Variants in OPCML observed in about 807,000 individuals in gnomAD.
OPCML encodes the protein opioid-binding protein/cell adhesion molecule.
In OPCML, 13 loss-of-function variants were observed where a neutral mutation model predicts 37.8. The ratio of observed to expected loss-of-function variants is 0.34; its 90% CI spans 0.22 to 0.55. OPCML has a LOEUF of 0.55. Ranked by LOEUF, OPCML falls within the 20% of genes least tolerant of loss-of-function variation. The pLI is 0.91. For synonymous variants in OPCML, 176 were observed against 168.8 expected, an observed-to-expected ratio of 1.04 and a Z score of -0.33; for missense variants, 341 against 435.6, an observed-to-expected ratio of 0.78 and a Z score of 1.93.
intron 2 of OPCML, among the ~76,000 whole-genome samples, chr11:132,769,058 G>A (rs1277748232): frequency 6.6e-6 from 1 of 151,604 alleles, no homozygotes; most frequent in African/African-American, 2.4e-5. Flanking sequence ...AGTGCTCTGT[G>A]AGGTGAGGAG....
intron 1 of OPCML, among the ~76,000 whole-genome samples, chr11:133,057,556 A>G (rs1295481361): frequency 6.6e-6 from 1 of 152,094 alleles, no homozygotes; most frequent in Non-Finnish European, 1.5e-5. Context: ...TGGAGGACAG[A>G]GTTTGAGGTC....
chr11:132,827,179 A>G (rs1338700191), intron 2 of OPCML, among the ~76,000 whole-genome samples: 3 of 152,218 alleles, frequency 2.0e-5, no homozygotes, highest in Admixed American at 6.5e-5. Context: ...GATGAAAGAT[A>G]TATCTCATAA....
chr11:132,608,800 C>T lies in OPCML; in HGVS notation c.379+48287G>A, dbSNP rs1160184047. On this transcript the variant is annotated intron_variant, in intron 3 of 7. Coordinates refer to ENST00000524381, the MANE Select transcript of OPCML (RefSeq NM_001012393.5). ...GATATACAGGTATTCCAAATAAATG[C>T]ACGCAATTACTCCAGGGAGTTCCTT... Among the ~76,000 whole-genome samples the T allele has an allele frequency of 2.0e-5, 3 of 152,164 alleles. No individual in the cohort carries two copies. In the South Asian group the frequency reaches 6.2e-4, roughly 32 times the overall value.
At chr11:132,972,796 C>T (rs1429724481) in intron 1 of OPCML, among the ~76,000 whole-genome samples, 1 of 152,192 alleles carries the variant, frequency 6.6e-6, no homozygotes, top group Non-Finnish European at 1.5e-5. Context: ...CTGTGATCTT[C>T]ATGGGAAACC....
At chr11:133,215,205 A>T (rs579504) in intron 1 of OPCML, among the ~76,000 whole-genome samples, 15,213 of 151,404 alleles carry the variant, frequency 0.1, 801 homozygotes, top group African/African-American at 0.13. Context: ...AGAGAGAGAG[A>T]GTGTGTGTGT....
chr11:133,147,709 C>G (rs186628180), intron 1 of OPCML, among the ~76,000 whole-genome samples: 1 of 152,246 alleles, frequency 6.6e-6, no homozygotes, highest in African/African-American at 2.4e-5. Context: ...CCCTTTAAAT[C>G]AGTCCCTACT....
chr11:133,093,351 G>T (rs1185572484), intron 1 of OPCML, among the ~76,000 whole-genome samples: 1 of 151,522 alleles, frequency 6.6e-6, no homozygotes, highest in South Asian at 2.1e-4. Context: ...GTACAGGTTT[G>T]CTACATAGGT....
intron 2 of OPCML, among the ~76,000 whole-genome samples, chr11:132,741,658 A>T (rs1380811472): frequency 6.6e-6 from 1 of 152,196 alleles, no homozygotes; most frequent in African/African-American, 2.4e-5. Context: ...TAATCACTAA[A>T]GGCATTTGGA....
intron 1 of OPCML, among the ~76,000 whole-genome samples, chr11:133,452,565 C>A (rs931163849): frequency 6.6e-6 from 1 of 151,450 alleles, no homozygotes; most frequent in Non-Finnish European, 1.5e-5. Context: ...GTAGTTCCAG[C>A]ACTTTGGGGG....
intron 2 of OPCML, among the ~76,000 whole-genome samples, chr11:132,812,116 CA>C (rs1040288271): frequency 6.6e-6 from 1 of 152,098 alleles, no homozygotes; most frequent in Non-Finnish European, 1.5e-5. Flanking sequence ...CCTTTTAACC[CA>C]ACCTTAGAGA....
At chr11:132,470,724 G>A (rs145769690) in intron 4 of OPCML, among the ~76,000 whole-genome samples, 17 of 152,252 alleles carry the variant, frequency 1.1e-4, no homozygotes, top group African/African-American at 3.8e-4. Flanking sequence ...TAAGTAAATG[G>A]CCCAAGGTCA....
intron 3 of OPCML, among the ~76,000 whole-genome samples, chr11:132,554,190 C>T (rs185245392): frequency 4.5e-4 from 69 of 152,272 alleles, no homozygotes; most frequent in Non-Finnish European, 2.5e-4. Flanking sequence ...AGGCAAATTC[C>T]GATTTCCTTC....
chr11:132,819,058 G>C (rs965935071), intron 2 of OPCML, among the ~76,000 whole-genome samples: 1 of 147,384 alleles, frequency 6.8e-6, no homozygotes, highest in Non-Finnish European at 1.5e-5. Flanking sequence ...CTATTATTTT[G>C]TGTGCTATGT....
chr11:133,186,356 T>C (rs183920951), intron 1 of OPCML, among the ~76,000 whole-genome samples: 1 of 152,270 alleles, frequency 6.6e-6, no homozygotes, highest in Non-Finnish European at 1.5e-5. Flanking sequence ...CTGAGATGCT[T>C]ATTGATTTAT....
intron 3 of OPCML, among the ~76,000 whole-genome samples, chr11:132,577,603 A>G (rs1330713894): frequency 6.6e-6 from 1 of 152,182 alleles, no homozygotes; most frequent in East Asian, 1.9e-4. Context: ...ATGGTAAACT[A>G]TGAGTCATTT....
chr11:132,900,640 C>G (rs991825238), intron 2 of OPCML, among the ~76,000 whole-genome samples: 1 of 152,178 alleles, frequency 6.6e-6, no homozygotes, highest in African/African-American at 2.4e-5. Flanking sequence ...TGTCTCCGCA[C>G]GCTGTGACCT....
In OPCML at chr11:132,943,702, G is replaced by C. The variant is rs1945663538; in HGVS notation, c.62-692C>G. The C allele has an allele frequency of 6.6e-6, 1 of 151,876 alleles. No individual in the cohort carries two copies. The highest frequency in any genetic ancestry group is 1.5e-5 in the Non-Finnish European group (1 of 68,058). The allele number at this position is 151,876 out of a possible 1,614,324, so 9.4% of individuals were successfully genotyped here. A position where few individuals can be genotyped will look rare whatever the true frequency, so the allele number is the denominator to read the frequency against. On this transcript the variant is annotated intron_variant, in intron 1 of 7. Transcript: ENST00000524381. This position sits in a 1 kb window ranked among gnomAD's most constrained non-coding sequence, Gnocchi z 4.3. ...GCAGCCGGCGCAGCCAGGGTCGTCC[G>C]GTCGGTGGCCGTCCTCTGCAGCCCG... is the stretch of plus-strand genomic sequence containing the variant.
intron 3 of OPCML, among the ~76,000 whole-genome samples, chr11:132,630,371 A>G (rs1565726914): frequency 1.3e-5 from 2 of 152,220 alleles, no homozygotes; most frequent in Admixed American, 1.3e-4. Flanking sequence ...CATCCTGGCC[A>G]ATATGGTGAA....
chr11:133,040,157 T>C (rs963848404), intron 1 of OPCML, among the ~76,000 whole-genome samples: 2 of 152,094 alleles, frequency 1.3e-5, no homozygotes, highest in African/African-American at 4.8e-5. Context: ...GAATGCTGGA[T>C]AAAAGGTGTT....
Sources: gnomAD v4.1 joint callset for allele counts (sites outside exome capture counted in the v4.1 genomes callset) on GRCh38, gnomAD v4.1.1 for gene constraint, Gnocchi (gnomAD v3.1) non-coding constraint, MANE v1.5 for transcripts, NCBI Gene and HGNC (gene_info 2026-07-23, HGNC 2026-07-21) for gene names.